Variants in RNGTT observed in about 807,000 individuals in gnomAD.
RNGTT encodes mRNA-capping enzyme.
A neutral mutation model predicts 79.3 loss-of-function variants in RNGTT; 33 were observed. That is an observed-to-expected ratio of 0.42 (90% CI 0.32 to 0.56). The LOEUF is 0.56. Among genes scored for constraint, RNGTT ranks in the 20% least tolerant of loss-of-function variants. RNGTT has a pLI of 0.17. For missense variants in RNGTT, 497 were observed against 739.1 expected (o/e 0.67, Z 3.80); for synonymous variants, 222 against 235.9 (o/e 0.94, Z 0.54).
intron 11 of RNGTT, among the ~76,000 whole-genome samples, chr6:88,834,825 T>C (rs1027540376): frequency 1.3e-5 from 2 of 148,632 alleles, no homozygotes; most frequent in African/African-American, 2.5e-5. Flanking sequence ...AAGCAATACA[T>C]AGAAAATAAA....
intron 13 of RNGTT, among the ~76,000 whole-genome samples, chr6:88,684,302 C>T (rs1051436605): frequency 6.6e-6 from 1 of 152,264 alleles, no homozygotes; most frequent in East Asian, 1.9e-4. Context: ...AATAGCATAG[C>T]CCCTTTGGAA....
chr6:88,687,300 G>C (rs761470474), intron 13 of RNGTT, among the ~76,000 whole-genome samples: 4 of 152,106 alleles, frequency 2.6e-5, no homozygotes, highest in South Asian at 2.1e-4. Flanking sequence ...TGCTGGCCAG[G>C]CTGTGGAAAA....
At chr6:88,725,510 G>T (rs544970348) in intron 13 of RNGTT, among the ~76,000 whole-genome samples, 34 of 152,368 alleles carry the variant, frequency 2.2e-4, no homozygotes, top group African/African-American at 7.2e-4. Context: ...GCCACAGGGG[G>T]TGGTGAAGTA....
intron 13 of RNGTT, among the ~76,000 whole-genome samples, chr6:88,716,431 T>A (rs1289662499): frequency 1.3e-5 from 2 of 152,138 alleles, no homozygotes; most frequent in African/African-American, 4.8e-5. Context: ...GATCTAGAAC[T>A]AGAAATACCA....
intron 14 of RNGTT, among the ~76,000 whole-genome samples, chr6:88,639,933 C>T (rs1278904705): frequency 2.6e-5 from 4 of 152,070 alleles, no homozygotes; most frequent in Non-Finnish European, 5.9e-5. Flanking sequence ...TCCTTCACAC[C>T]CTTCAATTCG....
At chr6:88,824,661 T>C (rs1363701845) in intron 11 of RNGTT, among the ~76,000 whole-genome samples, 1 of 152,174 alleles carries the variant, frequency 6.6e-6, no homozygotes, top group Non-Finnish European at 1.5e-5. Flanking sequence ...GAAAGTTCCG[T>C]TGGACAGGTC....
intron 13 of RNGTT, among the ~76,000 whole-genome samples, chr6:88,714,973 G>C (rs922784616): frequency 1.3e-5 from 2 of 152,118 alleles, no homozygotes; most frequent in East Asian, 3.9e-4. Flanking sequence ...AGGGCAATTA[G>C]CCAGGAGAAG....
At chr6:88,794,372 G>A (rs942483051) in intron 12 of RNGTT, among the ~76,000 whole-genome samples, 18 of 152,076 alleles carry the variant, frequency 1.2e-4, no homozygotes, top group Admixed American at 2.6e-4. Context: ...ATGCAGCAAG[G>A]AAAATAAAAT....
In RNGTT at chr6:88,791,140, C is replaced by CTTTTTT. The variant is rs66559856; in HGVS notation, c.1338+10418_1338+10423dup. On this transcript the variant is annotated intron_variant, in intron 12 of 15. Transcript: ENST00000369485. ...GAACCCTAAATGCAATCACAAGTAC[C>CTTTTTT]TTTTTTTTTTTTTTTTTTCAATTTT... 1.1e-3 allele frequency among the ~76,000 whole-genome samples: 128 copies of CTTTTTT among 120,794 alleles called. 1 individual carries two copies. Among genetic ancestry groups the CTTTTTT allele is most frequent in the African/African-American group, 3.6e-3 (120 of 33,360 alleles). The allele number at this position is 120,794 out of a possible 152,430, so 79.2% of individuals were successfully genotyped here.
At chr6:88,788,576 T>C (rs1779305370) in intron 12 of RNGTT, among the ~76,000 whole-genome samples, 2 of 152,136 alleles carry the variant, frequency 1.3e-5, no homozygotes, top group Non-Finnish European at 2.9e-5. Context: ...TAAAACATAA[T>C]CTCATCTACA....
In RNGTT at chr6:88,609,938, A is replaced by T. The variant is rs554423161; in HGVS notation, c.*2781T>A. On this transcript the variant is annotated 3_prime_UTR_variant, in exon 16 of 16. Coordinates refer to ENST00000369485, the MANE Select transcript of RNGTT (RefSeq NM_003800.5). ...ATTGCTATTGCTGAGTATTCTAAAA[A>T]ATTTAAATGCATTAAAAATAATGTA... Among the ~76,000 whole-genome samples, 1 of 152,360 alleles carries T rather than the reference A, an allele frequency of 6.6e-6. No homozygotes were observed. The highest frequency in any genetic ancestry group is 6.5e-5 in the Admixed American group (1 of 15,310).
intron 8 of RNGTT, among the ~76,000 whole-genome samples, chr6:88,861,093 A>G (rs544898091): frequency 6.6e-6 from 1 of 152,276 alleles, no homozygotes; most frequent in Non-Finnish European, 1.5e-5. Context: ...CTTTTCTCTC[A>G]TAAGAATTCA....
chr6:88,772,656 G>A (rs1435386245), intron 12 of RNGTT, among the ~76,000 whole-genome samples: 8 of 152,076 alleles, frequency 5.3e-5, no homozygotes, highest in East Asian at 1.9e-4. Context: ...AAAAGTGGCC[G>A]AAGGACATGA....
chr6:88,958,982 T>A (rs1469116673), intron 1 of RNGTT, among the ~76,000 whole-genome samples: 3 of 152,020 alleles, frequency 2.0e-5, no homozygotes, highest in African/African-American at 7.3e-5. Flanking sequence ...AATGAGTGGA[T>A]AAAGAAAATG....
intron 14 of RNGTT, among the ~76,000 whole-genome samples, chr6:88,662,187 C>G (rs1052021525): frequency 6.6e-6 from 1 of 152,212 alleles, no homozygotes; most frequent in Non-Finnish European, 1.5e-5. Context: ...CTCCCATTGT[C>G]TCCTATTTCA....
At chr6:88,905,075 C>A (rs1364271213) in intron 5 of RNGTT, 120 bp from the exon 6 acceptor site, 3 of 1,245,728 alleles carry the variant, frequency 2.4e-6, no homozygotes, top group Middle Eastern at 1.9e-4. Context: ...ATAAAATGGG[C>A]AAATCACAAT....
At chr6:88,699,298 T>C (rs950314462) in intron 13 of RNGTT, among the ~76,000 whole-genome samples, 48 of 152,174 alleles carry the variant, frequency 3.2e-4, no homozygotes, top group Non-Finnish European at 4.4e-4. Context: ...TCATAAAAGA[T>C]TTTTACTGTA....
intron 13 of RNGTT, among the ~76,000 whole-genome samples, chr6:88,738,839 TACACAC>T (rs200498670): frequency 6.3e-5 from 9 of 142,526 alleles, no homozygotes; most frequent in East Asian, 2.0e-4. Context: ...ATAAATAAAA[TACACAC>T]ACACACACAC....
At chr6:88,941,394 A>G (rs1410767101) in intron 1 of RNGTT, among the ~76,000 whole-genome samples, 2 of 151,946 alleles carry the variant, frequency 1.3e-5, no homozygotes, top group Non-Finnish European at 2.9e-5. Flanking sequence ...CAGTCTCCCA[A>G]GTAGCTAGGA....
Sources: gnomAD v4.1 joint callset for allele counts (sites outside exome capture counted in the v4.1 genomes callset) on GRCh38, gnomAD v4.1.1 for gene constraint, MANE v1.5 for transcripts, NCBI Gene and HGNC (gene_info 2026-07-23, HGNC 2026-07-21) for gene names.